Variants in PRELID2 observed in about 807,000 individuals in gnomAD.
PRELID2 encodes PRELI domain containing 2.
PRELID2 carries 25 observed loss-of-function variants against 28.4 expected under a neutral mutation model. The observed-to-expected ratio is 0.88, with a 90% CI of 0.64 to 1.23. PRELID2 has a LOEUF of 1.23. Ranked by LOEUF, PRELID2 falls within the 50% of genes most tolerant of loss-of-function variation. PRELID2 has a pLI of 0.00. For missense variants in PRELID2, 201 were observed against 214.4 expected, an observed-to-expected ratio of 0.94 and a Z score of 0.39; for synonymous variants, 76 against 71.6, an observed-to-expected ratio of 1.06 and a Z score of -0.31.
intron 1 of PRELID2, among the ~76,000 whole-genome samples, chr5:145,475,586 T>C (rs1752092811): frequency 6.6e-6 from 1 of 152,140 alleles, no homozygotes; most frequent in Non-Finnish European, 1.5e-5. Flanking sequence ...ATGTCAAAAC[T>C]CACAGCACAG....
chr5:145,498,994 G>A (rs1052576276), intron 1 of PRELID2, among the ~76,000 whole-genome samples: 7 of 152,044 alleles, frequency 4.6e-5, no homozygotes, highest in African/African-American at 1.7e-4. Context: ...AATATAAATA[G>A]AATTCTAAGG....
chr5:145,452,788 C>CA, the PRELID2 span, among the ~76,000 whole-genome samples: 2 of 151,232 alleles, frequency 1.3e-5, no homozygotes, highest in South Asian at 4.2e-4. Context: ...AGAAAAAAAG[C>CA]AAAAAAAGAA....
the PRELID2 span, among the ~76,000 whole-genome samples, chr5:145,242,749 G>A: frequency 5.3e-5 from 8 of 151,992 alleles, no homozygotes; most frequent in South Asian, 6.2e-4. Context: ...ACCCTAATCC[G>A]ATAATTCCAG....
chr5:145,401,887 C>T, the PRELID2 span, among the ~76,000 whole-genome samples: 1 of 152,186 alleles, frequency 6.6e-6, no homozygotes, highest in Non-Finnish European at 1.5e-5. Flanking sequence ...CCTCTCGCTA[C>T]TTCGAACACT....
chr5:145,296,154 T>C, the PRELID2 span, among the ~76,000 whole-genome samples: 23 of 151,942 alleles, frequency 1.5e-4, no homozygotes, highest in Admixed American at 6.6e-5. Context: ...TTAGCTTCCA[T>C]TGTAGCAGGT....
At chr5:145,442,440 T>A in the PRELID2 span, among the ~76,000 whole-genome samples, 4 of 151,896 alleles carry the variant, frequency 2.6e-5, no homozygotes, top group Non-Finnish European at 5.9e-5. Flanking sequence ...GCACCCACAA[T>A]GCAATAGGGC....
chr5:145,247,466 G>A, the PRELID2 span, among the ~76,000 whole-genome samples: 1 of 152,132 alleles, frequency 6.6e-6, no homozygotes, highest in Non-Finnish European at 1.5e-5. Context: ...ACAGTGCCAG[G>A]TGAGAAGTCT....
chr5:145,538,730 G>A (rs1752722018), intron 1 of PRELID2, among the ~76,000 whole-genome samples: 3 of 151,880 alleles, frequency 2.0e-5, no homozygotes, highest in South Asian at 2.1e-4. Context: ...CCCCTTTCCT[G>A]AATGGATAGA....
At chr5:145,553,491 C>A (rs1406571917) in intron 1 of PRELID2, among the ~76,000 whole-genome samples, 1 of 152,120 alleles carries the variant, frequency 6.6e-6, no homozygotes, top group Non-Finnish European at 1.5e-5. Context: ...TCCTCATGTG[C>A]AAAACAAGAC....
chr5:145,301,330 G>C, the PRELID2 span, among the ~76,000 whole-genome samples: 4 of 151,974 alleles, frequency 2.6e-5, no homozygotes, highest in African/African-American at 9.7e-5. Flanking sequence ...TTCTTTTTGT[G>C]AAGTGTCTGT....
chr5:145,567,648 G>T (rs1434309147), intron 1 of PRELID2, among the ~76,000 whole-genome samples: 3 of 152,136 alleles, frequency 2.0e-5, no homozygotes, highest in Non-Finnish European at 4.4e-5. Context: ...AAAGTGCTGG[G>T]ATTACAGGTG....
intron 1 of PRELID2, among the ~76,000 whole-genome samples, chr5:145,724,317 A>T (rs1048961733): frequency 6.6e-5 from 10 of 151,906 alleles, no homozygotes; most frequent in Non-Finnish European, 1.2e-4. Context: ...ACCTAAACTT[A>T]GAAGCCATCT....
chr5:145,749,279 A>G (rs1362142019), intron 1 of PRELID2, among the ~76,000 whole-genome samples: 1 of 152,172 alleles, frequency 6.6e-6, no homozygotes, highest in Non-Finnish European at 1.5e-5. Context: ...TACAAGAAAA[A>G]AACAACCCCA....
At chr5:145,665,774 A>G (rs150796138) in intron 1 of PRELID2, among the ~76,000 whole-genome samples, 2 of 152,138 alleles carry the variant, frequency 1.3e-5, no homozygotes, top group East Asian at 3.9e-4. Context: ...GGCTTTCCCT[A>G]CTTACTCCAC....
the PRELID2 span, among the ~76,000 whole-genome samples, chr5:145,337,449 G>A: frequency 6.6e-6 from 1 of 151,260 alleles, no homozygotes; most frequent in Admixed American, 6.6e-5. Flanking sequence ...GATCCTACAG[G>A]TTAAGGACTT....
intron 1 of PRELID2, among the ~76,000 whole-genome samples, chr5:145,676,975 T>C (rs1387787452): frequency 1.3e-5 from 2 of 152,188 alleles, no homozygotes; most frequent in East Asian, 3.9e-4. Context: ...TATATGAGTC[T>C]TATTTTCATT....
At chr5:145,746,519 C>A (rs1756995358) in intron 1 of PRELID2, among the ~76,000 whole-genome samples, 1 of 152,074 alleles carries the variant, frequency 6.6e-6, no homozygotes, top group Admixed American at 6.6e-5. Context: ...ACAGGAGCAC[C>A]CAGATTCATA....
At position 145,558,639 on chromosome 5, in the gene PRELID2, C is replaced by G. The variant is rs182309183; in HGVS notation, n.71-85324G>C. On this transcript the variant is annotated intron_variant and non_coding_transcript_variant, in intron 1 of 2. Transcript: ENST00000510259. ...TTTCAAGCCATGCCTTAGAGCATAC[C>G]CATAAGAGCTACTCTTCCATAAAGC... Among the ~76,000 whole-genome samples the G allele has an allele frequency of 7.5e-3, 1,149 of 152,246 alleles. 11 individuals are homozygous for G. The highest frequency in any genetic ancestry group is 0.013 in the Non-Finnish European group (866 of 68,024).
intron 1 of PRELID2, among the ~76,000 whole-genome samples, chr5:145,739,318 A>G (rs923854770): frequency 3.3e-5 from 5 of 152,176 alleles, no homozygotes; most frequent in African/African-American, 9.7e-5. Context: ...ACCCCGGCCA[A>G]CATGGTGAAA....
Sources: gnomAD v4.1 joint callset for allele counts (sites outside exome capture counted in the v4.1 genomes callset) on GRCh38, gnomAD v4.1.1 for gene constraint, MANE v1.5 for transcripts, NCBI Gene and HGNC (gene_info 2026-07-23, HGNC 2026-07-21) for gene names.